The following ZNF541 variants were observed in gnomAD, a reference collection of about 807,000 sequenced individuals.
ZNF541 encodes the protein zinc finger protein 541.
A neutral mutation model predicts 123.5 loss-of-function variants in ZNF541; 23 were observed. The observed-to-expected ratio is 0.19, with a 90% CI of 0.13 to 0.26. ZNF541 has a LOEUF of 0.26. Ranked by LOEUF, ZNF541 falls within the 10% of genes least tolerant of loss-of-function variation. ZNF541 has a pLI of 1.00. For synonymous variants in ZNF541, 751 were observed against 754.5 expected (o/e 1.00, Z 0.08); for missense variants, 1,612 against 1,789.9 (o/e 0.90, Z 1.79).
At chr19:47,532,398 A>AG in intron 10 of ZNF541, 128 bp from the exon 11 acceptor site, 1 of 1,036,172 alleles carries the variant, frequency 9.7e-7, no homozygotes, top group Admixed American at 2.4e-5. Flanking sequence ...CTGCTGTCTC[A>AG]GGTGCATCAG....
intron 14 of ZNF541, among the ~76,000 whole-genome samples, chr19:47,528,656 A>T (rs1399531870): frequency 6.6e-6 from 1 of 151,868 alleles, no homozygotes; most frequent in Non-Finnish European, 1.5e-5. Context: ...TATATATATA[A>T]AATTTGTACA....
At chr19:47,525,361 T>TTTTTG (rs566030112) in intron 14 of ZNF541, among the ~76,000 whole-genome samples, 3 of 152,128 alleles carry the variant, frequency 2.0e-5, no homozygotes, top group Non-Finnish European at 4.4e-5. Flanking sequence ...CCTAGCAGGT[T>TTTTTG]TTTTGTTTTG....
At chr19:47,540,089 CTGAGA>C (rs887396223) in intron 7 of ZNF541, 82 bp downstream of exon 7, 1 of 1,471,416 alleles carries the variant, frequency 6.8e-7, no homozygotes, top group African/African-American at 1.4e-5. Flanking sequence ...CGTCCCCATC[CTGAGA>C]TAAGTGACAC....
chr19:47,546,561 A>T (rs1421245291), intron 4 of ZNF541, among the ~76,000 whole-genome samples: 2 of 152,094 alleles, frequency 1.3e-5, no homozygotes, highest in Non-Finnish European at 2.9e-5. Flanking sequence ...CAAAAAAAAA[A>T]ATCCACTGAG....
rs1290197003 is a variant in ZNF541 at position 47,544,670 on chromosome 19, G to C, written c.1859C>G (p.Ala620Gly). The C allele has an allele frequency of 2.6e-6, 4 of 1,535,306 alleles. No individual in the cohort carries two copies. In the African/African-American group the frequency reaches 5.5e-5, roughly 21 times the overall value. Residue 620 changes from alanine (A) to glycine (G), a missense_variant, in exon 5 of 17, where the codon GCA (alanine) becomes GGA (glycine). Transcript: ENST00000391901. ...TCTCCTGCGGGCTGGGGAGCCCTCTGCCTCGGGGTTTCCAGGGCCGGCGTG... is the reference window on the plus strand; with the variant it reads ...TCTCCTGCGGGCTGGGGAGCCCTCTCCCTCGGGGTTTCCAGGGCCGGCGTG... ...SLHAGPGNPE[A>G]EGSPARRRKT... is the part of the protein sequence containing the mutation.
At chr19:47,559,461 A>C (rs1970973549) in intron 2 of ZNF541, among the ~76,000 whole-genome samples, 1 of 152,178 alleles carries the variant, frequency 6.6e-6, no homozygotes. Flanking sequence ...CTCCCTGTAC[A>C]TCTTGCCATA....
chr19:47,570,143 G>A lies in ZNF541; in HGVS notation c.-99+1753C>T, dbSNP rs12973795. ...CAAAAAATTAGCCAGGAGTGGTAGC[G>A]GGTGCCTGTTGTCCCAGCTACTCGG... On this transcript the variant is annotated intron_variant, in intron 2 of 16. Transcript: ENST00000391901. 6.6e-3 allele frequency among the ~76,000 whole-genome samples: 1,003 copies of A among 151,720 alleles called. 9 individuals carry two copies. Among genetic ancestry groups the A allele is most frequent in the Non-Finnish European group, 0.011 (740 of 67,906 alleles).
intron 3 of ZNF541, among the ~76,000 whole-genome samples, chr19:47,551,257 C>G (rs1970587699): frequency 6.6e-6 from 1 of 152,044 alleles, no homozygotes. Context: ...CCAGGCTGGT[C>G]TCGAACTTCT....
intron 12 of ZNF541, 24 bp downstream of exon 12, chr19:47,531,618 G>A (rs1452733920): frequency 6.6e-7 from 1 of 1,512,080 alleles, no homozygotes; most frequent in Non-Finnish European, 8.9e-7. Flanking sequence ...GGAAAGCAGG[G>A]AGGGTCCCCT....
rs577005596 is a variant in ZNF541, at chr19:47,528,513, C to CTCTACTATGGTCTCATACAAG, written c.3570+436_3570+437insCTTGTATGAGACCATAGTAGA. ...TGTATTTTTAGTAGAGACAGGGTTT[C>CTCTACTATGGTCTCATACAAG]ACCATGTTGGCCAGGCTGGTCTTGA... On this transcript the variant is annotated intron_variant, in intron 14 of 16. Transcript: ENST00000391901. Among the ~76,000 whole-genome samples the CTCTACTATGGTCTCATACAAG allele has an allele frequency of 2.0e-4, 30 of 151,916 alleles. 1 individual carries two copies. In the East Asian group the frequency reaches 5.7e-3, roughly 29 times the overall value.
At position 47,538,248 on chromosome 19, in the gene ZNF541, T is replaced by C. The variant is rs907373067; in HGVS notation, c.2988A>G (p.Pro996=). The change falls in exon 9 of 17, where the codon CCA becomes CCG. Residue 996 remains proline, a synonymous_variant. Transcript: ENST00000391901. ...CCCGGATGGGGCTGAGCATTGGGGGTGGTGTGTAGGGGGAGCACTGGAATA... is the reference window on the plus strand; with the variant it reads ...CCCGGATGGGGCTGAGCATTGGGGGCGGTGTGTAGGGGGAGCACTGGAATA... ...KGLFQCSPYT[P]PPMLSPIREG... 6 of 1,551,018 alleles carry C rather than the reference T, an allele frequency of 3.9e-6. No homozygotes were observed. The highest frequency in any genetic ancestry group is 5.2e-6 in the Non-Finnish European group (6 of 1,146,804).
intron 14 of ZNF541, among the ~76,000 whole-genome samples, chr19:47,525,033 C>A (rs971397868): frequency 2.8e-4 from 42 of 152,026 alleles, no homozygotes; most frequent in African/African-American, 9.9e-4. Context: ...GCCTGTAATC[C>A]CAGCACTTTG....
chr19:47,526,961 C>T lies in ZNF541; in HGVS notation c.3570+1989G>A, dbSNP rs563854284. On this transcript the variant is annotated intron_variant, in intron 14 of 16. Transcript: ENST00000391901. Reference sequence around the variant, plus strand: ...CCAACAGGCAAATGATTCTTTAAACCGTGGTACATCCACCCAGTGGAATAC... The same window carrying T: ...CCAACAGGCAAATGATTCTTTAAACTGTGGTACATCCACCCAGTGGAATAC... Among the ~76,000 whole-genome samples the T allele has an allele frequency of 2.0e-4, 31 of 152,244 alleles. No homozygotes were observed. The South Asian group carries it at 5.8e-3, about 29-fold the overall frequency.
At chr19:47,532,413 G>C in intron 10 of ZNF541, 143 bp from the exon 11 acceptor site, 3 of 905,542 alleles carry the variant, frequency 3.3e-6, no homozygotes, top group Non-Finnish European at 5.0e-6. Context: ...CATCAGGTAC[G>C]TGCTGTTCCC....
intron 6 of ZNF541, 21 bp from the exon 7 acceptor site, chr19:47,540,356 G>A: frequency 6.5e-7 from 1 of 1,544,232 alleles, no homozygotes; most frequent in Admixed American, 2.0e-5. Flanking sequence ...TGGCAGGAAA[G>A]AAGAGTGGGA....
intron 5 of ZNF541, among the ~76,000 whole-genome samples, chr19:47,543,697 G>C (rs1234628870): frequency 6.6e-6 from 1 of 150,706 alleles, no homozygotes; most frequent in Non-Finnish European, 1.5e-5. Context: ...CTGGAGTGCA[G>C]AGACACAATC....
At chr19:47,546,040 A>G (rs1441953933) in intron 4 of ZNF541, 60 bp from the exon 5 acceptor site, 1 of 1,400,052 alleles carries the variant, frequency 7.1e-7, no homozygotes, top group Non-Finnish European at 9.4e-7. Context: ...TTTCTGCTGT[A>G]GGACCCTGGT....
At chr19:47,544,083 A>C (rs1319405042) in intron 5 of ZNF541, 43 bp downstream of exon 5, 1 of 1,480,366 alleles carries the variant, frequency 6.8e-7, no homozygotes, top group Non-Finnish European at 9.0e-7. Flanking sequence ...TGCAAAGGAA[A>C]CTCACTCCAC....
upstream of ZNF541, among the ~76,000 whole-genome samples, chr19:47,573,190 A>AC (rs1258851562): frequency 1.3e-5 from 2 of 149,390 alleles, no homozygotes; most frequent in East Asian, 2.0e-4. Flanking sequence ...AGCCCGGCCC[A>AC]CCCCCGGATC....
Sources: allele counts gnomAD v4.1 joint callset (sites outside exome capture counted in the v4.1 genomes callset), GRCh38; gene constraint gnomAD v4.1.1; transcripts MANE v1.5; gene names NCBI Gene and HGNC (gene_info 2026-07-23, HGNC 2026-07-21).